The following TULP4 variants were observed in gnomAD, a reference collection of about 807,000 sequenced individuals.
TULP4 encodes the protein tubby-related protein 4.
Under a neutral mutation model 129.0 loss-of-function variants are expected in TULP4, and 16 were observed. The observed-to-expected ratio is 0.12, with a 90% CI of 0.08 to 0.19. TULP4 has a LOEUF of 0.19. Among genes scored for constraint, TULP4 ranks in the 10% least tolerant of loss-of-function variants. The pLI is 1.00. For missense variants in TULP4, 1,842 were observed against 2,059.1 expected, an observed-to-expected ratio of 0.89 and a Z score of 2.04; for synonymous variants, 998 against 854.0, an observed-to-expected ratio of 1.17 and a Z score of -2.94.
At chr6:158,403,893 G>A (rs1229435581) in intron 1 of TULP4, among the ~76,000 whole-genome samples, 3 of 152,188 alleles carry the variant, frequency 2.0e-5, no homozygotes, top group African/African-American at 7.2e-5. Flanking sequence ...CTTAGGAACT[G>A]CATCTAGGTT....
chr6:158,299,985 G>A (rs529801951), intron 1 of TULP4, among the ~76,000 whole-genome samples: 16 of 152,282 alleles, frequency 1.1e-4, no homozygotes, highest in African/African-American at 3.6e-4. Context: ...GGAGAAAAAG[G>A]GAATTAGGAG....
intron 3 of TULP4, among the ~76,000 whole-genome samples, chr6:158,431,750 G>A (rs1175798342): frequency 6.6e-6 from 1 of 152,080 alleles, no homozygotes; most frequent in Non-Finnish European, 1.5e-5. Flanking sequence ...TCCTGCTGCC[G>A]TGGAACGTGA....
intron 1 of TULP4, among the ~76,000 whole-genome samples, chr6:158,268,041 T>C (rs1473243999): frequency 2.7e-5 from 4 of 146,880 alleles, no homozygotes; most frequent in African/African-American, 5.0e-5. Flanking sequence ...TTTTCTTTTT[T>C]TTTTTTTTTT....
intron 1 of TULP4, among the ~76,000 whole-genome samples, chr6:158,385,662 C>G (rs1583822125): frequency 6.8e-6 from 1 of 148,018 alleles, no homozygotes; most frequent in Non-Finnish European, 1.5e-5. Flanking sequence ...ACAATATATA[C>G]AAATATACAT....
chr6:158,237,427 A>G, intron 1 of TULP4: 3 of 1,589,856 alleles, frequency 1.9e-6, no homozygotes, highest in South Asian at 2.2e-5. Context: ...TCTTGGGGGT[A>G]TGATGTTACT....
intron 1 of TULP4, among the ~76,000 whole-genome samples, chr6:158,263,812 C>T (rs1427370573): frequency 6.6e-6 from 1 of 151,904 alleles, no homozygotes; most frequent in East Asian, 1.9e-4. Context: ...CCTGTAATCA[C>T]AGCACTTTGG....
Position 158,506,571 on chromosome 6 carries a change from C to T in TULP4, c.4516-7C>T. On this transcript the variant is annotated splice_polypyrimidine_tract_variant and splice_region_variant and intron_variant, in intron 13 of 13. Coordinates refer to ENST00000367097, the MANE Select transcript of TULP4 (RefSeq NM_020245.5). The stretch of plus-strand genomic sequence containing the variant: ...TTAATGTCTTTGCTTCCCCTGCCCT[C>T]CTCCAGGTGATGCAGTTTGGACGGA... 1 of 1,577,142 alleles carries T rather than the reference C, an allele frequency of 6.3e-7. No individual in the cohort carries two copies. The highest frequency in any genetic ancestry group is 8.7e-7 in the Non-Finnish European group (1 of 1,146,378).
At chr6:158,389,137 G>A (rs1374820014) in intron 1 of TULP4, among the ~76,000 whole-genome samples, 24 of 152,328 alleles carry the variant, frequency 1.6e-4, no homozygotes, top group Non-Finnish European at 2.9e-5. Flanking sequence ...ATAGGCAAAG[G>A]ATTTAATTTT....
chr6:158,236,210 C>T (rs945641758), intron 1 of TULP4, among the ~76,000 whole-genome samples: 5 of 152,164 alleles, frequency 3.3e-5, no homozygotes, highest in African/African-American at 1.2e-4. Flanking sequence ...AAGCTTAACA[C>T]CAAATGGAAA....
At chr6:158,506,306 A>C (rs1039190907) in intron 13 of TULP4, among the ~76,000 whole-genome samples, 12 of 127,664 alleles carry the variant, frequency 9.4e-5, no homozygotes, top group African/African-American at 3.7e-4. Context: ...ATCTCAGCTC[A>C]CTGCAAGCTC....
chr6:158,401,666 G>C (rs1365256234), intron 1 of TULP4, among the ~76,000 whole-genome samples: 1 of 152,088 alleles, frequency 6.6e-6, no homozygotes, highest in Non-Finnish European at 1.5e-5. Flanking sequence ...GGTAGAGTCA[G>C]CTCTGGACAT....
At chr6:158,332,347 G>A (rs529891287) in intron 1 of TULP4, among the ~76,000 whole-genome samples, 1 of 151,990 alleles carries the variant, frequency 6.6e-6, no homozygotes, top group Admixed American at 6.5e-5. Flanking sequence ...TGGAGAAGGT[G>A]TGGTTCAGCC....
At chr6:158,378,685 A>C (rs183266446) in intron 1 of TULP4, among the ~76,000 whole-genome samples, 2 of 152,010 alleles carry the variant, frequency 1.3e-5, no homozygotes, top group African/African-American at 4.8e-5. Context: ...GGGTTTCACC[A>C]TCTTGGCCAG....
At chr6:158,489,844 C>G (rs537200261) in intron 9 of TULP4, 112 bp downstream of exon 9, 2 of 1,280,194 alleles carry the variant, frequency 1.6e-6, no homozygotes, top group Non-Finnish European at 1.1e-6. Flanking sequence ...AGCAACCTCC[C>G]TGCCTTTTCT....
At chr6:158,234,776 A>G (rs1042877266) in intron 1 of TULP4, among the ~76,000 whole-genome samples, 1 of 152,222 alleles carries the variant, frequency 6.6e-6, no homozygotes, top group Non-Finnish European at 1.5e-5. Flanking sequence ...AAAATGTCAA[A>G]TGTGTTTTAA....
chr6:158,346,051 G>A (rs2114771264), intron 1 of TULP4, among the ~76,000 whole-genome samples: 1 of 152,242 alleles, frequency 6.6e-6, no homozygotes, highest in Non-Finnish European at 1.5e-5. Context: ...GAAAAATATG[G>A]CTCCTTTTGC....
At chr6:158,441,654 A>C (rs987252682) in intron 3 of TULP4, among the ~76,000 whole-genome samples, 22 of 152,178 alleles carry the variant, frequency 1.4e-4, no homozygotes, top group African/African-American at 4.8e-4. Flanking sequence ...ACCAGGACAA[A>C]GGCTCGCTCC....
chr6:158,454,076 A>G (rs603952), intron 5 of TULP4, among the ~76,000 whole-genome samples: 2,681 of 144,808 alleles, frequency 0.019, 36 homozygotes, highest in Non-Finnish European at 0.03. Context: ...TTAGAAACAT[A>G]TTACATACCC....
At chr6:158,299,579 A>G (rs1018041173) in intron 1 of TULP4, among the ~76,000 whole-genome samples, 8 of 152,138 alleles carry the variant, frequency 5.3e-5, no homozygotes, top group African/African-American at 1.9e-4. Context: ...TTGAGTTTCT[A>G]GATGGATACA....
Sources: gnomAD v4.1 joint callset for allele counts (sites outside exome capture counted in the v4.1 genomes callset) on GRCh38, gnomAD v4.1.1 for gene constraint, MANE v1.5 for transcripts, NCBI Gene and HGNC (gene_info 2026-07-23, HGNC 2026-07-21) for gene names.